The following SLC37A1 variants were observed in gnomAD, a reference collection of about 807,000 sequenced individuals.
SLC37A1 encodes the protein solute carrier family 37 member 1, also known as glucose-6-phosphate exchanger SLC37A1.
Under a neutral mutation model 75.3 loss-of-function variants are expected in SLC37A1, and 49 were observed. That is an observed-to-expected ratio of 0.65 (90% confidence interval 0.52 to 0.83). SLC37A1 has a LOEUF of 0.83. SLC37A1 is among the 40% of genes least tolerant of loss of function. The pLI is 0.00. For missense variants in SLC37A1, 566 were observed against 695.0 expected (o/e 0.81, Z 2.09); for synonymous variants, 268 against 292.1 (o/e 0.92, Z 0.84).
chr21:42,504,213 G>C (rs1168652456), intron 2 of SLC37A1, among the ~76,000 whole-genome samples: 1 of 152,198 alleles, frequency 6.6e-6, no homozygotes. Flanking sequence ...GAGGGTCCCA[G>C]AAGGGCACCA....
chr21:42,562,524 G>A (rs906586922), intron 12 of SLC37A1, among the ~76,000 whole-genome samples: 1 of 152,170 alleles, frequency 6.6e-6, no homozygotes, highest in Non-Finnish European at 1.5e-5. Context: ...GGGGACCTGA[G>A]AAAAGAAATC....
chr21:42,536,362 C>T (rs1252055328), intron 5 of SLC37A1, among the ~76,000 whole-genome samples: 2 of 152,224 alleles, frequency 1.3e-5, no homozygotes, highest in African/African-American at 2.4e-5. Context: ...GCTGCCAGCC[C>T]AGCCCATTCT....
At chr21:42,513,605 G>A (rs2146688881), upstream of SLC37A1, among the ~76,000 whole-genome samples, 1 of 151,988 alleles carries the variant, frequency 6.6e-6, no homozygotes, top group South Asian at 2.1e-4. Context: ...AAGCCCGTGC[G>A]CCCTCGGAGC....
At chr21:42,554,194 T>C (rs766018124) in intron 10 of SLC37A1, 52 bp downstream of exon 10, 1 of 1,546,752 alleles carries the variant, frequency 6.5e-7, no homozygotes, top group Non-Finnish European at 8.9e-7. Flanking sequence ...GCAGGAAAAC[T>C]CCTTTGAGCC....
At chr21:42,567,793 G>A (rs28525581) in intron 16 of SLC37A1, among the ~76,000 whole-genome samples, 83,220 of 151,822 alleles carry the variant, frequency 0.55, 23,691 homozygotes, top group Admixed American at 0.67. Context: ...TTTTCCCATT[G>A]TCTATGCAAC....
chr21:42,564,671 G>T, intron 13 of SLC37A1, 37 bp from the exon 14 acceptor site: 2 of 1,568,936 alleles, frequency 1.3e-6, no homozygotes, highest in African/African-American at 1.3e-5. Context: ...CTCATGCCCT[G>T]GGACGTCAGT....
intron 1 of SLC37A1, among the ~76,000 whole-genome samples, chr21:42,500,195 GTTGT>G (rs550620874): frequency 3.2e-4 from 48 of 152,228 alleles, no homozygotes; most frequent in African/African-American, 1.1e-3. Flanking sequence ...GAACTATGAG[GTTGT>G]TTATTAGAAT....
intron 2 of SLC37A1, among the ~76,000 whole-genome samples, chr21:42,523,023 T>C (rs980439666): frequency 6.6e-6 from 1 of 152,190 alleles, no homozygotes; most frequent in Non-Finnish European, 1.5e-5. Flanking sequence ...GCCTCAGCAC[T>C]CTTCAGACCT....
Position 42,580,660 on chromosome 21 carries a change from C to G in SLC37A1, c.*300C>G, listed in dbSNP as rs372084210. Reference sequence around the variant, plus strand: ...GCCCATGCAGCCACCCAAATGCACGCGTGACAACAAGGCCGGGAGGGTGGG... The same window carrying G: ...GCCCATGCAGCCACCCAAATGCACGGGTGACAACAAGGCCGGGAGGGTGGG... On this transcript the variant is annotated 3_prime_UTR_variant, in exon 20 of 20. Coordinates refer to ENST00000352133, the MANE Select transcript of SLC37A1 (RefSeq NM_001320537.2). The G allele has an allele frequency of 7.9e-5, 19 of 239,658 alleles. No individual in the cohort carries two copies. The East Asian group carries it at 9.8e-4, about 12-fold the overall frequency. 14.8% of individuals were successfully genotyped at this position (239,658 alleles called of 1,614,324 possible).
intron 18 of SLC37A1, among the ~76,000 whole-genome samples, chr21:42,578,906 C>T (rs922020316): frequency 2.0e-5 from 3 of 152,192 alleles, no homozygotes; most frequent in African/African-American, 4.8e-5. Flanking sequence ...CCCTCCAGCA[C>T]CCCTTCCCTG....
chr21:42,536,989 C>CAGAG (rs1298813572), intron 5 of SLC37A1, among the ~76,000 whole-genome samples: 1 of 152,170 alleles, frequency 6.6e-6, no homozygotes, highest in Non-Finnish European at 1.5e-5. Flanking sequence ...TGTTCAGAGA[C>CAGAG]AGAGGTCTTT....
At chr21:42,569,900 G>A (rs1275763349) in intron 17 of SLC37A1, among the ~76,000 whole-genome samples, 4 of 152,262 alleles carry the variant, frequency 2.6e-5, no homozygotes, top group Non-Finnish European at 4.4e-5. Flanking sequence ...GGCCCCAGGC[G>A]CCCCCGCCCA....
Position 42,543,455 on chromosome 21 carries a change from G to T in SLC37A1, c.583G>T (p.Val195Phe). ...GKGRRGLIMG[V>F]WNSHTSVGNI... ...CTGCAGGAGAGGTTTGATTATGGGG[G>T]TCTGGAACTCCCACACCTCCGTGGG... Residue 195 changes from valine (V) to phenylalanine (F), a missense_variant, in exon 8 of 20, where the codon GTC becomes TTC. Transcript: ENST00000352133. 3 of 1,614,122 alleles carry T rather than the reference G, an allele frequency of 1.9e-6. No individual in the cohort carries two copies. Among genetic ancestry groups the T allele is most frequent in the Non-Finnish European group, 2.5e-6 (3 of 1,180,006 alleles).
At chr21:42,511,721 C>G (rs1019332921), upstream of SLC37A1, among the ~76,000 whole-genome samples, 21 of 152,166 alleles carry the variant, frequency 1.4e-4, no homozygotes, top group African/African-American at 4.8e-4. Context: ...GAAATCAAGG[C>G]TGCAGTGAGC....
In SLC37A1 at chr21:42,543,563, G is replaced by A. The variant is rs1229456691; in HGVS notation, c.691G>A (p.Ala231Thr). ...LSFVVPGAIV[A>T]AMGIVCFLFL... Reference sequence around the variant, plus strand: ...CTTCGTCGTGCCTGGAGCCATCGTGGCAGCCATGGGGATAGTGTGCTTTCT... The same window carrying A: ...CTTCGTCGTGCCTGGAGCCATCGTGACAGCCATGGGGATAGTGTGCTTTCT... Residue 231 changes from alanine to threonine, a missense_variant, in exon 8 of 20, where the codon GCA becomes ACA. Coordinates refer to ENST00000352133, the MANE Select transcript of SLC37A1 (RefSeq NM_001320537.2). 6.2e-7 allele frequency: 1 copy of A among 1,613,054 alleles called. No homozygotes were observed. The highest frequency in any genetic ancestry group is 8.5e-7 in the Non-Finnish European group (1 of 1,179,422).
chr21:42,505,453 C>T (rs2054375553), intron 2 of SLC37A1, among the ~76,000 whole-genome samples: 1 of 152,198 alleles, frequency 6.6e-6, no homozygotes, highest in Non-Finnish European at 1.5e-5. Flanking sequence ...ACCCCATAGG[C>T]AGGCTTTATC....
Position 42,547,253 on chromosome 21 carries a change from TC to T in SLC37A1, c.768+116del. On this transcript the variant is annotated intron_variant, in intron 9 of 19. Coordinates refer to ENST00000352133, the MANE Select transcript of SLC37A1 (RefSeq NM_001320537.2). The surrounding 1 kb of genome is among the most constrained non-coding windows in gnomAD (Gnocchi z 6.1). ...CAGAAACACACAGGGTAGACAGAAG[TC>T]CCACCCTCAAAACATTGGCAGTTCT... is the stretch of plus-strand genomic sequence containing the variant. The T allele has an allele frequency of 8.7e-7, 1 of 1,154,766 alleles. No individual in the cohort carries two copies. The highest frequency in any genetic ancestry group is 1.3e-6 in the Non-Finnish European group (1 of 774,326). 71.5% of individuals were successfully genotyped at this position (1,154,766 alleles called of 1,614,324 possible).
chr21:42,499,977 C>G (rs533016453), intron 1 of SLC37A1, among the ~76,000 whole-genome samples: 1 of 152,256 alleles, frequency 6.6e-6, no homozygotes, highest in Non-Finnish European at 1.5e-5. Flanking sequence ...AGGCCCACCT[C>G]CCAGCTGGAG....
chr21:42,560,165 C>T (rs183328474), intron 11 of SLC37A1, among the ~76,000 whole-genome samples: 1 of 152,290 alleles, frequency 6.6e-6, no homozygotes, highest in East Asian at 1.9e-4. Context: ...TTTCTTGCTG[C>T]TTTCAGTTTT....
Sources: allele counts gnomAD v4.1 joint callset (sites outside exome capture counted in the v4.1 genomes callset), GRCh38; gene constraint gnomAD v4.1.1; non-coding constraint Gnocchi (gnomAD v3.1); transcripts MANE v1.5; gene names NCBI Gene and HGNC (gene_info 2026-07-23, HGNC 2026-07-21).